AGAP1: variants seen among roughly 807,000 people sequenced by gnomAD.
The protein encoded by AGAP1 is ArfGAP with GTPase domain, ankyrin repeat and PH domain 1, also known as arf-GAP with GTPase, ANK repeat and PH domain-containing protein 1.
In AGAP1, 29 loss-of-function variants were observed where a neutral mutation model predicts 105.3. The observed-to-expected ratio is 0.28, with a 90% CI of 0.21 to 0.38. AGAP1 has a LOEUF of 0.38. AGAP1 is among the 10% of genes least tolerant of loss of function. The pLI is 1.00. For missense variants in AGAP1, 998 were observed against 1,165.1 expected (o/e 0.86, Z 2.09); for synonymous variants, 509 against 485.9 (o/e 1.05, Z -0.63).
At chr2:235,641,683 A>G (rs1947203302) in intron 1 of AGAP1, among the ~76,000 whole-genome samples, 1 of 152,212 alleles carries the variant, frequency 6.6e-6, no homozygotes, top group Non-Finnish European at 1.5e-5. Context: ...CATTTTTAAA[A>G]ATACATATTT....
rs142973311 is a variant in AGAP1 at position 236,016,799 on chromosome 2, C to T, written c.1646-19762C>T. On this transcript the variant is annotated intron_variant, in intron 13 of 17. Transcript: ENST00000304032. ...GCTATGAAAGGCATTCCTGGGGATACTAAATAGTGACTGCATATCCAATTG... is the reference window on the plus strand; with the variant it reads ...GCTATGAAAGGCATTCCTGGGGATATTAAATAGTGACTGCATATCCAATTG... Among the ~76,000 whole-genome samples the T allele has an allele frequency of 5.9e-3, 891 of 152,284 alleles. 5 individuals are homozygous for T. Among genetic ancestry groups the T allele is most frequent in the African/African-American group, 0.02 (840 of 41,554 alleles).
In AGAP1 at chr2:235,900,306, T is replaced by G. The variant is rs1207212171; in HGVS notation, c.1156-8432T>G. On this transcript the variant is annotated intron_variant, in intron 10 of 17. Coordinates refer to ENST00000304032, the MANE Select transcript of AGAP1 (RefSeq NM_001037131.3). This position sits in a 1 kb window ranked among gnomAD's most constrained non-coding sequence, Gnocchi z 5.5. ...AGTCACTCCAGCCAACACTGTAACTTCCTTCTTAGCCTGTTGACTTTGAGG... is the reference window on the plus strand; with the variant it reads ...AGTCACTCCAGCCAACACTGTAACTGCCTTCTTAGCCTGTTGACTTTGAGG... Among the ~76,000 whole-genome samples the G allele has an allele frequency of 6.6e-6, 1 of 152,146 alleles. No homozygotes were observed. Among genetic ancestry groups the G allele is most frequent in the Non-Finnish European group, 1.5e-5 (1 of 68,034 alleles).
chr2:235,779,230 G>C (rs1336689466), intron 6 of AGAP1, among the ~76,000 whole-genome samples: 1 of 152,200 alleles, frequency 6.6e-6, no homozygotes, highest in Non-Finnish European at 1.5e-5. Context: ...AGACACATCA[G>C]TGGATTCAGG....
chr2:235,588,052 A>G (rs970876577), intron 1 of AGAP1, among the ~76,000 whole-genome samples: 3 of 152,072 alleles, frequency 2.0e-5, no homozygotes, highest in African/African-American at 7.3e-5. Context: ...CAAGATAGTG[A>G]AACCCCGTCT....
At position 236,131,421 on chromosome 2, in the gene AGAP1, T is replaced by G. The variant is rs1175839449; in HGVS notation, c.*7299T>G. 3 of 152,222 alleles carry G rather than the reference T, an allele frequency of 2.0e-5. No individual in the cohort carries two copies. Among genetic ancestry groups the G allele is most frequent in the Non-Finnish European group, 4.4e-5 (3 of 68,070 alleles). The allele number at this position is 152,222 out of a possible 1,614,324, so 9.4% of individuals were successfully genotyped here. On this transcript the variant is annotated 3_prime_UTR_variant, in exon 18 of 18. Coordinates refer to ENST00000304032, the MANE Select transcript of AGAP1 (RefSeq NM_001037131.3). This position sits in a 1 kb window ranked among gnomAD's most constrained non-coding sequence, Gnocchi z 5.9. ...CCAACCCACCTTGCAGCCAGTTTTCTGTTTCTGTAAATAGCAGTGTATAGA... is the reference window on the plus strand; with the variant it reads ...CCAACCCACCTTGCAGCCAGTTTTCGGTTTCTGTAAATAGCAGTGTATAGA...
At chr2:235,587,869 C>A (rs937909808) in intron 1 of AGAP1, among the ~76,000 whole-genome samples, 1 of 152,088 alleles carries the variant, frequency 6.6e-6, no homozygotes, top group Non-Finnish European at 1.5e-5. Context: ...CCTGCTGCTC[C>A]TTCCACGCCT....
chr2:236,082,551 T>C lies in AGAP1; in HGVS notation c.2114+33270T>C, dbSNP rs1202756287. 6.6e-6 allele frequency among the ~76,000 whole-genome samples: 1 copy of C among 152,206 alleles called. No individual in the cohort carries two copies. Among genetic ancestry groups the C allele is most frequent in the Non-Finnish European group, 1.5e-5 (1 of 68,036 alleles). On this transcript the variant is annotated intron_variant, in intron 16 of 17. Transcript: ENST00000304032. This position sits in a 1 kb window ranked among gnomAD's most constrained non-coding sequence, Gnocchi z 4.2. ...TCAGGGGCAAACAGCTCACCTGCAG[T>C]GGTGATTGGTTTACAAAATTCACCT...
chr2:235,772,936 A>G (rs1467874587), intron 6 of AGAP1, among the ~76,000 whole-genome samples: 1 of 151,358 alleles, frequency 6.6e-6, no homozygotes, highest in Non-Finnish European at 1.5e-5. Flanking sequence ...TGGAGTGAAA[A>G]GCACCAAGCT....
At chr2:235,540,456 A>G (rs960910316) in intron 1 of AGAP1, among the ~76,000 whole-genome samples, 11 of 152,154 alleles carry the variant, frequency 7.2e-5, no homozygotes, top group Non-Finnish European at 1.5e-4. Context: ...CCCAACCTCA[A>G]TCCATTTCTT....
At chr2:235,947,465 C>T (rs1032706071) in intron 12 of AGAP1, among the ~76,000 whole-genome samples, 3 of 152,172 alleles carry the variant, frequency 2.0e-5, no homozygotes, top group Non-Finnish European at 4.4e-5. Context: ...ACATTTTCTT[C>T]GTCCACTCGT....
chr2:236,052,209 A>G (rs1223246445), intron 16 of AGAP1, among the ~76,000 whole-genome samples: 3 of 152,212 alleles, frequency 2.0e-5, no homozygotes, highest in Non-Finnish European at 2.9e-5. Context: ...AATTCTTTGA[A>G]AAAGGGCCCA....
chr2:235,600,093 C>T lies in AGAP1; in HGVS notation c.163+105244C>T, dbSNP rs536711924. 6.6e-6 allele frequency among the ~76,000 whole-genome samples: 1 copy of T among 152,224 alleles called. No homozygotes were observed. Among genetic ancestry groups the T allele is most frequent in the South Asian group, 2.1e-4 (1 of 4,812 alleles). On this transcript the variant is annotated intron_variant, in intron 1 of 17. Transcript: ENST00000304032. The surrounding 1 kb of genome is among the most constrained non-coding windows in gnomAD (Gnocchi z 4.8). Reference sequence around the variant, plus strand: ...AGGGAGCCCCTCTCTCCATCCCAGCCTTTCTTCCTCTCTCGTAACTGTTAT... The same window carrying T: ...AGGGAGCCCCTCTCTCCATCCCAGCTTTTCTTCCTCTCTCGTAACTGTTAT...
At chr2:235,895,984 CCACCTTAAT>C (rs1360023212) in intron 10 of AGAP1, among the ~76,000 whole-genome samples, 1 of 152,112 alleles carries the variant, frequency 6.6e-6, no homozygotes, top group African/African-American at 2.4e-5. Context: ...ACAACATTTG[CCACCTTAAT>C]CATTTTAAGT....
intron 9 of AGAP1, among the ~76,000 whole-genome samples, chr2:235,846,379 A>G (rs1022723152): frequency 1.1e-4 from 17 of 152,170 alleles, no homozygotes; most frequent in African/African-American, 3.1e-4. Context: ...GCTGGAGTGC[A>G]GTGGTGCGAT....
chr2:235,946,251 CA>C (rs2125240004), intron 12 of AGAP1, among the ~76,000 whole-genome samples: 1 of 151,414 alleles, frequency 6.6e-6, no homozygotes, highest in South Asian at 2.1e-4. Flanking sequence ...TTTATTCCCC[CA>C]AAGTGGATTG....
chr2:235,563,246 C>T (rs1044472842), intron 1 of AGAP1, among the ~76,000 whole-genome samples: 45 of 152,230 alleles, frequency 3.0e-4, no homozygotes, highest in Middle Eastern at 3.4e-3. Context: ...CTGGCCCACT[C>T]GGCGTCCCCA....
At chr2:236,075,827 G>A (rs184984196) in intron 16 of AGAP1, among the ~76,000 whole-genome samples, 1,962 of 152,316 alleles carry the variant, frequency 0.013, 22 homozygotes, top group Non-Finnish European at 0.019. Flanking sequence ...TCTAGCTTTG[G>A]AATCTGTGGC....
rs991937527 is a variant in AGAP1, at chr2:235,549,798, T to G, written c.163+54949T>G. 6.6e-6 allele frequency among the ~76,000 whole-genome samples: 1 copy of G among 152,202 alleles called. No homozygotes were observed. The highest frequency in any genetic ancestry group is 2.4e-5 in the African/African-American group (1 of 41,452). On this transcript the variant is annotated intron_variant, in intron 1 of 17. Transcript: ENST00000304032. The surrounding 1 kb of genome is among the most constrained non-coding windows in gnomAD (Gnocchi z 4.2). ...GGATTCTTACTCTAACAAACAGGTA[T>G]AGACAACATCCTAGTTGCATCTCAC...
chr2:235,683,075 G>A (rs1016395898), intron 1 of AGAP1, among the ~76,000 whole-genome samples: 9 of 152,112 alleles, frequency 5.9e-5, no homozygotes, highest in Admixed American at 4.6e-4. Context: ...GGGAGGCCGA[G>A]GTGGGCAGAT....
Sources: allele counts gnomAD v4.1 joint callset (sites outside exome capture counted in the v4.1 genomes callset), GRCh38; gene constraint gnomAD v4.1.1; non-coding constraint Gnocchi (gnomAD v3.1); transcripts MANE v1.5; gene names NCBI Gene and HGNC (gene_info 2026-07-23, HGNC 2026-07-21).